DLG3: variants seen among roughly 807,000 people sequenced by gnomAD.
DLG3 encodes the protein disks large homolog 3.
Under a neutral mutation model 64.1 loss-of-function variants are expected in DLG3, and 1 was observed. That is an observed-to-expected ratio of 0.02 (90% CI 0.01 to 0.07). DLG3 has a LOEUF of 0.07. Ranked by LOEUF, DLG3 falls within the 10% of genes least tolerant of loss-of-function variation. The pLI, the probability that DLG3 is intolerant of heterozygous loss-of-function variation, is 1.00. For synonymous variants in DLG3, 245 were observed against 259.8 expected, an observed-to-expected ratio of 0.94 and a Z score of 0.55; for missense variants, 429 against 669.5, an observed-to-expected ratio of 0.64 and a Z score of 3.96.
chrX:70,494,994 A>T (rs2087428362), intron 12 of DLG3, among the ~76,000 whole-genome samples: 1 of 112,236 alleles, frequency 8.9e-6, no homozygotes, highest in African/African-American at 3.2e-5. Flanking sequence ...TTCAGGGGCA[A>T]ACAGAGACCT....
intron 12 of DLG3, 133 bp downstream of exon 12, chrX:70,492,729 C>T (rs1248665388): frequency 1.7e-6 from 1 of 595,101 alleles, no homozygotes; most frequent in African/African-American, 2.2e-5. Context: ...TCTGTCCTAT[C>T]AGAACATTGA....
intron 10 of DLG3, among the ~76,000 whole-genome samples, chrX:70,491,610 A>G (rs2087359293): frequency 8.9e-6 from 1 of 112,109 alleles, no homozygotes; most frequent in East Asian, 2.8e-4. Flanking sequence ...TTTCAACCCT[A>G]CCATTCTGTG....
At chrX:70,473,157 CAAAAAAA>C (rs59440260) in intron 9 of DLG3, among the ~76,000 whole-genome samples, 1 of 42,176 alleles carries the variant, frequency 2.4e-5, no homozygotes, top group Non-Finnish European at 4.6e-5. Context: ...AACTCCGTCT[CAAAAAAA>C]AAAAAAAAAA....
chrX:70,464,036 T>C (rs1427912029), intron 9 of DLG3, among the ~76,000 whole-genome samples: 1 of 110,463 alleles, frequency 9.1e-6, no homozygotes, highest in Non-Finnish European at 1.9e-5. Context: ...ATTTTAATTT[T>C]ATTTTTTTGT....
intron 10 of DLG3, among the ~76,000 whole-genome samples, chrX:70,486,484 T>C (rs1602962318): frequency 8.9e-6 from 1 of 111,807 alleles, no homozygotes; most frequent in Admixed American, 9.5e-5. Flanking sequence ...TTTTTGAGAC[T>C]TCCTTCTACT....
intron 16 of DLG3, 129 bp downstream of exon 16, chrX:70,500,178 A>G: frequency 1.7e-6 from 1 of 588,587 alleles, no homozygotes; most frequent in Non-Finnish European, 2.7e-6. Flanking sequence ...ACATCTGCAT[A>G]CTCCCAGCGC....
At position 70,496,041 on chromosome X, in the gene DLG3, T is replaced by C. The variant is rs1028344858; in HGVS notation, c.1819+588T>C. 4.5e-5 allele frequency among the ~76,000 whole-genome samples: 5 copies of C among 111,769 alleles called. No individual in the cohort carries two copies. The South Asian group carries it at 1.9e-3, about 42-fold the overall frequency. On this transcript the variant is annotated intron_variant, in intron 13 of 18. Transcript: ENST00000374360. ...GCCTCAGCATCATTTATGGACCATA[T>C]ATAGTTAGTGCTTTATCTCAGGAAA...
chrX:70,448,203 C>T (rs41306141), intron 1 of DLG3, among the ~76,000 whole-genome samples: 1,740 of 112,316 alleles, frequency 0.015, 15 homozygotes, highest in Non-Finnish European at 0.025. Flanking sequence ...CAAAGTGGGG[C>T]AACTGTCCTT....
Position 70,452,043 on chromosome X carries a change from A to G in DLG3, c.1145+17A>G. The G allele has an allele frequency of 8.3e-7, 1 of 1,208,140 alleles. No individual in the cohort carries two copies. On this transcript the variant is annotated intron_variant, in intron 7 of 18. Coordinates refer to ENST00000374360, the MANE Select transcript of DLG3 (RefSeq NM_021120.4). ...CTTCACCAGGTAAGACCCCGCCCCC[A>G]ACATCCCATTCAATCTACCCAGAAA...
chrX:70,468,693 A>G, intron 9 of DLG3, among the ~76,000 whole-genome samples: 1 of 111,862 alleles, frequency 8.9e-6, no homozygotes, highest in East Asian at 2.8e-4. Context: ...TGCCCATTGA[A>G]GCCTATTTGC....
chrX:70,502,929 C>A lies in DLG3; in HGVS notation c.*660C>A, dbSNP rs755156417. The A allele has an allele frequency of 9.1e-6, 1 of 110,445 alleles. No homozygotes were observed. Among genetic ancestry groups the A allele is most frequent in the East Asian group, 2.8e-4 (1 of 3,538 alleles). The allele number at this position is 110,445 out of a possible 1,213,427, so 9.1% of individuals were successfully genotyped here. A position where few individuals can be genotyped will look rare whatever the true frequency, so the allele number is the denominator to read the frequency against. ...AGAGAAATGCTTTAATTTTCATATT[C>A]CAATCAGATGGCATCTTCTATCCCA... On this transcript the variant is annotated 3_prime_UTR_variant, in exon 19 of 19. Coordinates refer to ENST00000374360, the MANE Select transcript of DLG3 (RefSeq NM_021120.4).
intron 10 of DLG3, among the ~76,000 whole-genome samples, chrX:70,491,575 G>T (rs2087358324): frequency 8.9e-6 from 1 of 112,407 alleles, no homozygotes; most frequent in Non-Finnish European, 1.9e-5. Flanking sequence ...ACCGCACTAG[G>T]TGACTTCTAT....
chrX:70,466,034 G>C (rs749824265), intron 9 of DLG3, among the ~76,000 whole-genome samples: 1 of 111,266 alleles, frequency 9.0e-6, no homozygotes, highest in Non-Finnish European at 1.9e-5. Flanking sequence ...ACATACTTAA[G>C]GTTTTTGATG....
rs1189687376 is a variant in DLG3, at chrX:70,445,178, G to A, written c.-24G>A. 1 of 1,121,880 alleles carries A rather than the reference G, an allele frequency of 8.9e-7. No individual in the cohort carries two copies. The highest frequency in any genetic ancestry group is 1.2e-6 in the Non-Finnish European group (1 of 841,176). The allele number at this position is 1,121,880 out of a possible 1,213,427, so 92.5% of individuals were successfully genotyped here. A position where few individuals can be genotyped will look rare whatever the true frequency, so the allele number is the denominator to read the frequency against. On this transcript the variant is annotated 5_prime_UTR_variant, in exon 1 of 19. Coordinates refer to ENST00000374360, the MANE Select transcript of DLG3 (RefSeq NM_021120.4). Reference sequence around the variant, plus strand: ...CGTGGAATCCGGCGTGGGCTGGGGGGTCCGAGCCGCGGGGGGCAGTGCCAT... The same window carrying A: ...CGTGGAATCCGGCGTGGGCTGGGGGATCCGAGCCGCGGGGGGCAGTGCCAT...
rs2087632407 is a variant in DLG3 at position 70,505,271 on chromosome X, C to G, written c.*3002C>G. 1 of 111,945 alleles carries G rather than the reference C, an allele frequency of 8.9e-6. No homozygotes were observed. The highest frequency in any genetic ancestry group is 3.2e-5 in the African/African-American group (1 of 30,796). The allele number at this position is 111,945 out of a possible 1,213,427, so 9.2% of individuals were successfully genotyped here. A position where few individuals can be genotyped will look rare whatever the true frequency, so the allele number is the denominator to read the frequency against. On this transcript the variant is annotated 3_prime_UTR_variant, in exon 19 of 19. Transcript: ENST00000374360. The stretch of plus-strand genomic sequence containing the variant: ...CATTCAGCCCCAGCACGAGAAGATA[C>G]AGAGCAACTTGGAAACCCCAAAGGG...
chrX:70,445,294 C>T lies in DLG3; in HGVS notation c.93C>T (p.Gly31=), dbSNP rs776667412. ...GGCGCCTCGAGCCTCCGGGCTACGG[C>T]GACTGGCAAGTCCCCGACCCTTACG... ...ALRRLEPPGY[G]DWQVPDPYGP... is the part of the protein sequence containing the mutation. Residue 31 remains glycine, a synonymous_variant, in exon 1 of 19, where the codon GGC becomes GGT. Transcript: ENST00000374360. 141 of 1,164,164 alleles carry T rather than the reference C, an allele frequency of 1.2e-4. No homozygotes were observed. The highest frequency in any genetic ancestry group is 1.7e-5 in the Non-Finnish European group (15 of 873,165).
intron 9 of DLG3, among the ~76,000 whole-genome samples, chrX:70,472,652 G>T (rs1458409267): frequency 8.9e-6 from 1 of 112,078 alleles, no homozygotes; most frequent in Non-Finnish European, 1.9e-5. Context: ...TGCTGTAAGA[G>T]CAGGGGCTTC....
intron 9 of DLG3, among the ~76,000 whole-genome samples, chrX:70,472,220 A>G (rs1476633598): frequency 8.9e-6 from 1 of 111,761 alleles, no homozygotes; most frequent in East Asian, 2.8e-4. Flanking sequence ...TTAGACATGA[A>G]AATTAGGACC....
intron 9 of DLG3, among the ~76,000 whole-genome samples, chrX:70,466,703 G>T (rs759048190): frequency 1.8e-5 from 2 of 110,809 alleles, no homozygotes; most frequent in Admixed American, 9.7e-5. Flanking sequence ...GCCTCCCAAA[G>T]TGCTGGGATT....
Sources: allele counts gnomAD v4.1 joint callset (sites outside exome capture counted in the v4.1 genomes callset), GRCh38; gene constraint gnomAD v4.1.1; transcripts MANE v1.5; gene names NCBI Gene and HGNC (gene_info 2026-07-23, HGNC 2026-07-21).